Variants in ESRRB observed in about 807,000 individuals in gnomAD.
ESRRB encodes the protein steroid hormone receptor ERR2.
In ESRRB, 16 loss-of-function variants were observed where a neutral mutation model predicts 46.0. The ratio of observed to expected loss-of-function variants is 0.35; its 90% confidence interval spans 0.24 to 0.53. The LOEUF (loss-of-function observed/expected upper bound fraction) is 0.53. ESRRB is among the 20% of genes least tolerant of loss of function. The pLI, the probability that ESRRB is intolerant of heterozygous loss-of-function variation, is 0.93. For missense variants in ESRRB, 488 were observed against 607.4 expected, an observed-to-expected ratio of 0.80 and a Z score of 2.07; for synonymous variants, 246 against 259.6, an observed-to-expected ratio of 0.95 and a Z score of 0.50.
chr14:76,410,089 T>C (rs1042253199), intron 1 of ESRRB, among the ~76,000 whole-genome samples: 10 of 152,056 alleles, frequency 6.6e-5, no homozygotes, highest in African/African-American at 1.9e-4. Flanking sequence ...CCAGGCATGG[T>C]GGCACACGCC....
At chr14:76,456,038 GCACACACACA>G (rs60824171) in intron 2 of ESRRB, among the ~76,000 whole-genome samples, 243 of 137,290 alleles carry the variant, frequency 1.8e-3, no homozygotes, top group East Asian at 3.6e-3. Flanking sequence ...AGCGAAACTC[GCACACACACA>G]CACACACACA....
chr14:76,406,338 T>C (rs1407504161), intron 1 of ESRRB, among the ~76,000 whole-genome samples: 2 of 152,170 alleles, frequency 1.3e-5, no homozygotes, highest in South Asian at 2.1e-4. Flanking sequence ...GGTTTTCTGA[T>C]ATCTAGTTCA....
chr14:76,370,117 A>T (rs1037964755), upstream of ESRRB, among the ~76,000 whole-genome samples: 1 of 152,064 alleles, frequency 6.6e-6, no homozygotes. Flanking sequence ...AAAGCCAGGC[A>T]TGGTGGCTCA....
At chr14:76,467,500 CAAAAAAAA>C (rs397709875) in intron 3 of ESRRB, among the ~76,000 whole-genome samples, 3 of 91,740 alleles carry the variant, frequency 3.3e-5, no homozygotes, top group South Asian at 8.5e-4. Context: ...GCCTCTGTCT[CAAAAAAAA>C]AAAAAAAAAA....
intron 1 of ESRRB, among the ~76,000 whole-genome samples, chr14:76,417,344 G>A (rs1426307299): frequency 6.6e-6 from 1 of 152,134 alleles, no homozygotes; most frequent in Admixed American, 6.5e-5. Flanking sequence ...CAGGAGACCA[G>A]TGTGGGTGGA....
intron 1 of ESRRB, among the ~76,000 whole-genome samples, chr14:76,438,663 C>CAA (rs879790232): frequency 1.6e-4 from 19 of 115,666 alleles, no homozygotes; most frequent in East Asian, 4.8e-4. Context: ...GACTCCATCT[C>CAA]AAAAAAAAAA....
intron 1 of ESRRB, among the ~76,000 whole-genome samples, chr14:76,345,002 A>G (rs1884233385): frequency 6.6e-6 from 1 of 152,178 alleles, no homozygotes; most frequent in African/African-American, 2.4e-5. Context: ...GGTTGGTTCC[A>G]TGATTTTGCT....
rs140837140 is a variant in ESRRB, at chr14:76,320,792, T to G, written c.2+9876T>G. ...TGTGAACTGGAGAATATGTTAGCAA[T>G]AATATGTAAACTGAGCTGCCCCAAA... On this transcript the variant is annotated intron_variant, in intron 1 of 6. Transcript: ENST00000512784. Among the ~76,000 whole-genome samples, 304 of 152,196 alleles carry G rather than the reference T, an allele frequency of 2.0e-3. 1 individual carries two copies. The highest frequency in any genetic ancestry group is 0.014 in the Middle Eastern group (4 of 294).
chr14:76,329,135 A>T (rs966772079), intron 1 of ESRRB, among the ~76,000 whole-genome samples: 1 of 152,162 alleles, frequency 6.6e-6, no homozygotes, highest in Non-Finnish European at 1.5e-5. Flanking sequence ...TGGCCACCAC[A>T]CACCAGTAAC....
intron 2 of ESRRB, among the ~76,000 whole-genome samples, chr14:76,453,389 T>C (rs530856468): frequency 6.6e-6 from 1 of 152,274 alleles, no homozygotes; most frequent in East Asian, 1.9e-4. Context: ...GCCAGTGGCC[T>C]GAGACAACAG....
upstream of ESRRB, among the ~76,000 whole-genome samples, chr14:76,370,935 A>G (rs1048726020): frequency 1.3e-5 from 2 of 152,208 alleles, no homozygotes; most frequent in African/African-American, 4.8e-5. Context: ...CTCAGAAAAA[A>G]GAAAAACGAA....
upstream of ESRRB, among the ~76,000 whole-genome samples, chr14:76,369,164 T>C (rs1884562096): frequency 6.8e-6 from 1 of 146,980 alleles, no homozygotes; most frequent in Non-Finnish European, 1.5e-5. Context: ...GCCACTGCAC[T>C]CCAGCCTGGC....
At chr14:76,333,496 TTTG>T (rs1311414115) in intron 1 of ESRRB, among the ~76,000 whole-genome samples, 1 of 125,624 alleles carries the variant, frequency 8.0e-6, no homozygotes, top group African/African-American at 3.4e-5. Flanking sequence ...TTATATATAT[TTTG>T]TTGTTGTCAG....
At chr14:76,476,435 T>C (rs1036654293) in intron 3 of ESRRB, among the ~76,000 whole-genome samples, 4 of 152,238 alleles carry the variant, frequency 2.6e-5, no homozygotes, top group African/African-American at 9.6e-5. Context: ...TTTTAATGTG[T>C]TTCCTGAGTC....
At chr14:76,401,551 A>C (rs1885945482) in intron 1 of ESRRB, among the ~76,000 whole-genome samples, 1 of 152,252 alleles carries the variant, frequency 6.6e-6, no homozygotes, top group Admixed American at 6.5e-5. Context: ...GATGGGCTGC[A>C]TATATGATGG....
chr14:76,358,311 CAA>C (rs1191247686), intron 1 of ESRRB, among the ~76,000 whole-genome samples: 1 of 23,116 alleles, frequency 4.3e-5, no homozygotes, highest in African/African-American at 1.4e-4. Flanking sequence ...GACTCTGTCT[CAA>C]AAAAAAAAAA....
intron 1 of ESRRB, among the ~76,000 whole-genome samples, chr14:76,399,006 T>C (rs1413965736): frequency 6.6e-6 from 1 of 152,180 alleles, no homozygotes; most frequent in Admixed American, 6.5e-5. Context: ...ATTTTCCTGA[T>C]GGAGACCCTG....
At chr14:76,434,677 G>T (rs78697748) in intron 1 of ESRRB, among the ~76,000 whole-genome samples, 1 of 149,804 alleles carries the variant, frequency 6.7e-6, no homozygotes, top group African/African-American at 2.5e-5. Context: ...AAAAAGAAAA[G>T]AAAAAAGAAA....
chr14:76,490,496 A>G (rs1045526802), intron 5 of ESRRB, among the ~76,000 whole-genome samples: 2 of 152,128 alleles, frequency 1.3e-5, no homozygotes, highest in African/African-American at 2.4e-5. Context: ...CCTCACAGCA[A>G]CTCTCTGAAG....
Sources: allele counts gnomAD v4.1 joint callset (sites outside exome capture counted in the v4.1 genomes callset), GRCh38; gene constraint gnomAD v4.1.1; transcripts MANE v1.5; gene names NCBI Gene and HGNC (gene_info 2026-07-23, HGNC 2026-07-21).